FOXP2: variants seen among roughly 807,000 people sequenced by gnomAD.
FOXP2 encodes forkhead box protein P2.
A neutral mutation model predicts 115.8 loss-of-function variants in FOXP2; 12 were observed. That is an observed-to-expected ratio of 0.10 (90% CI 0.07 to 0.17). The LOEUF (loss-of-function observed/expected upper bound fraction) is 0.17, where lower values mean the gene tolerates loss of function less well. Among genes scored for constraint, FOXP2 ranks in the 10% least tolerant of loss-of-function variants. The pLI, the probability that FOXP2 is intolerant of heterozygous loss-of-function variation, is 1.00. For synonymous variants in FOXP2, 328 were observed against 297.7 expected (o/e 1.10, Z -1.05); for missense variants, 629 against 843.5 (o/e 0.75, Z 3.15).
chr7:114,329,599 T>C (rs957490770), intron 2 of FOXP2, among the ~76,000 whole-genome samples: 2 of 151,872 alleles, frequency 1.3e-5, no homozygotes, highest in Admixed American at 6.6e-5. Context: ...TTTACCTTAA[T>C]ATGAACATAT....
Position 114,533,132 on chromosome 7 carries a change from CGTGA to C in FOXP2, c.169-1477_169-1474del, listed in dbSNP as rs1222814951. 3.9e-5 allele frequency among the ~76,000 whole-genome samples: 6 copies of C among 151,984 alleles called. No individual in the cohort carries two copies. In the East Asian group the frequency reaches 1.2e-3, roughly 29 times the overall value. On this transcript the variant is annotated intron_variant, in intron 2 of 16. Coordinates refer to ENST00000350908, the MANE Select transcript of FOXP2 (RefSeq NM_014491.4). ...AAAAAACAACAACAAAGATGATTATCGTGAGTGAGTGTGTCTCCAAATGTAAAAA... is the reference window on the plus strand; with the variant it reads ...AAAAAACAACAACAAAGATGATTATCGTGAGTGTGTCTCCAAATGTAAAAA...
At chr7:114,355,542 T>G (rs1791599284) in intron 2 of FOXP2, among the ~76,000 whole-genome samples, 1 of 152,072 alleles carries the variant, frequency 6.6e-6, no homozygotes, top group Non-Finnish European at 1.5e-5. Flanking sequence ...TCAGATGAAA[T>G]TTTTTTTCAG....
chr7:114,441,166 G>A (rs1304914006), intron 2 of FOXP2, among the ~76,000 whole-genome samples: 1 of 152,006 alleles, frequency 6.6e-6, no homozygotes, highest in African/African-American at 2.4e-5. Flanking sequence ...CGGAATGTTC[G>A]GCTGGGTGTG....
chr7:114,148,528 A>C (rs1421910617), intron 1 of FOXP2, among the ~76,000 whole-genome samples: 1 of 152,114 alleles, frequency 6.6e-6, no homozygotes, highest in Non-Finnish European at 1.5e-5. Flanking sequence ...TAATTTTGCA[A>C]CTAAGGCAAG....
At chr7:114,089,929 G>A (rs1039952671) in intron 1 of FOXP2, among the ~76,000 whole-genome samples, 1 of 151,948 alleles carries the variant, frequency 6.6e-6, no homozygotes, top group African/African-American at 2.4e-5. Context: ...GCATGTAACA[G>A]TATAGTGAAT....
At chr7:114,594,720 G>T (rs1296452632) in intron 3 of FOXP2, among the ~76,000 whole-genome samples, 2 of 151,982 alleles carry the variant, frequency 1.3e-5, no homozygotes, top group Non-Finnish European at 2.9e-5. Context: ...ATAAGAATAT[G>T]ATTATGTTGA....
At chr7:114,501,935 C>T (rs1272113200) in intron 2 of FOXP2, among the ~76,000 whole-genome samples, 1 of 151,920 alleles carries the variant, frequency 6.6e-6, no homozygotes, top group East Asian at 1.9e-4. Flanking sequence ...TATTAATAAA[C>T]TGGAAACAAG....
rs867044042 is a variant in FOXP2, at chr7:114,642,995, T to C, written c.989+372T>C. On this transcript the variant is annotated intron_variant, in intron 7 of 16. Transcript: ENST00000350908. ...GGCTAATTTTTTGTATTTTTTTTAGTAGAGACGGGGTTTCACCATGTTAGC... is the reference window on the plus strand; with the variant it reads ...GGCTAATTTTTTGTATTTTTTTTAGCAGAGACGGGGTTTCACCATGTTAGC... Among the ~76,000 whole-genome samples the C allele has an allele frequency of 1.1e-4, 17 of 151,024 alleles. No individual in the cohort carries two copies. The South Asian group carries it at 1.3e-3, about 11-fold the overall frequency.
chr7:114,445,812 T>C (rs1400862726), intron 2 of FOXP2, among the ~76,000 whole-genome samples: 1 of 152,096 alleles, frequency 6.6e-6, no homozygotes, highest in Non-Finnish European at 1.5e-5. Flanking sequence ...TCTCAAATAG[T>C]TTAAGAAATT....
chr7:114,379,668 G>A (rs1052349095), intron 2 of FOXP2, among the ~76,000 whole-genome samples: 2 of 152,124 alleles, frequency 1.3e-5, no homozygotes, highest in Admixed American at 6.5e-5. Flanking sequence ...TTTCAATTCT[G>A]GAAGAGACAA....
intron 1 of FOXP2, among the ~76,000 whole-genome samples, chr7:114,417,813 T>C (rs1295754426): frequency 6.6e-6 from 1 of 151,964 alleles, no homozygotes; most frequent in Non-Finnish European, 1.5e-5. Flanking sequence ...TAATGATCAT[T>C]CTTTAGAAAC....
At chr7:114,571,898 C>T (rs1801324034) in intron 3 of FOXP2, among the ~76,000 whole-genome samples, 1 of 151,690 alleles carries the variant, frequency 6.6e-6, no homozygotes, top group Admixed American at 6.6e-5. Context: ...TCCTTAAGAA[C>T]TGATGTATTT....
At chr7:114,642,812 A>ATATATATATATAT (rs1308357594) in intron 7 of FOXP2, among the ~76,000 whole-genome samples, 189 bp downstream of exon 7, 6 of 72,428 alleles carry the variant, frequency 8.3e-5, no homozygotes, top group African/African-American at 4.3e-4. Context: ...ATATATATAT[A>ATATATATATATAT]TTTTTTTTTT....
chr7:114,561,697 A>C (rs541382127), intron 3 of FOXP2, among the ~76,000 whole-genome samples: 5 of 152,242 alleles, frequency 3.3e-5, no homozygotes, highest in Non-Finnish European at 4.4e-5. Flanking sequence ...GAAGAAAACA[A>C]ACATAAAAAT....
chr7:114,146,320 T>A (rs182828731), intron 1 of FOXP2, among the ~76,000 whole-genome samples: 1 of 152,342 alleles, frequency 6.6e-6, no homozygotes, highest in African/African-American at 2.4e-5. Flanking sequence ...ACATGTTGAA[T>A]TGACCTGAAT....
At chr7:114,384,036 A>G (rs1053199261) in intron 2 of FOXP2, among the ~76,000 whole-genome samples, 6 of 151,772 alleles carry the variant, frequency 4.0e-5, no homozygotes, top group Non-Finnish European at 8.8e-5. Context: ...CAGTGTGCCC[A>G]ACATTTCCTT....
intron 1 of FOXP2, among the ~76,000 whole-genome samples, chr7:114,211,145 A>G (rs1794336019): frequency 1.3e-5 from 2 of 152,124 alleles, no homozygotes; most frequent in Admixed American, 1.3e-4. Flanking sequence ...GTGCCGTGGA[A>G]TTGGGGTCCA....
intron 2 of FOXP2, among the ~76,000 whole-genome samples, chr7:114,516,596 A>G (rs1456766201): frequency 6.6e-6 from 1 of 152,092 alleles, no homozygotes; most frequent in Non-Finnish European, 1.5e-5. Context: ...ACTGTTTTCC[A>G]TAATAGCTGT....
intron 3 of FOXP2, among the ~76,000 whole-genome samples, chr7:114,566,674 G>A (rs1801040170): frequency 6.6e-6 from 1 of 152,038 alleles, no homozygotes; most frequent in African/African-American, 2.4e-5. Flanking sequence ...TCAGCCTCAT[G>A]TATTCCTTTA....
Sources: allele counts gnomAD v4.1 joint callset (sites outside exome capture counted in the v4.1 genomes callset), GRCh38; gene constraint gnomAD v4.1.1; transcripts MANE v1.5; gene names NCBI Gene and HGNC (gene_info 2026-07-23, HGNC 2026-07-21).